Variants in PRPF6 observed in about 807,000 individuals in gnomAD.
PRPF6 encodes the protein pre-mRNA-processing factor 6.
In PRPF6, 42 loss-of-function variants were observed where a neutral mutation model predicts 118.3. The ratio of observed to expected loss-of-function variants is 0.35; its 90% CI spans 0.28 to 0.46. PRPF6 has a LOEUF of 0.46. Ranked by LOEUF, PRPF6 falls within the 20% of genes least tolerant of loss-of-function variation. PRPF6 has a pLI of 1.00. For synonymous variants in PRPF6, 481 were observed against 485.1 expected (o/e 0.99, Z 0.11); for missense variants, 662 against 1,255.7 (o/e 0.53, Z 7.15).
intron 3 of PRPF6, among the ~76,000 whole-genome samples, chr20:63,991,463 C>T (rs532934955): frequency 6.6e-6 from 1 of 152,128 alleles, no homozygotes; most frequent in South Asian, 2.1e-4. Context: ...GACACGGACC[C>T]ATGAAGAAAG....
chr20:63,985,843 A>G (rs2059090725), intron 3 of PRPF6, among the ~76,000 whole-genome samples: 1 of 152,188 alleles, frequency 6.6e-6, no homozygotes, highest in Non-Finnish European at 1.5e-5. Context: ...AAGAACTAAT[A>G]CCAATTCTAC....
At chr20:63,994,766 C>T in intron 4 of PRPF6, 150 bp from the exon 5 acceptor site, 2 of 1,035,216 alleles carry the variant, frequency 1.9e-6, no homozygotes, top group Middle Eastern at 3.1e-4. Context: ...TGAGACCCAT[C>T]TCAAAACAAA....
Position 64,007,090 on chromosome 20 carries a change from G to A in PRPF6, c.1187-3110G>A, listed in dbSNP as rs1238957845. 2.0e-5 allele frequency among the ~76,000 whole-genome samples: 3 copies of A among 152,218 alleles called. No homozygotes were observed. In the East Asian group the frequency reaches 5.8e-4, roughly 29 times the overall value. ...AGCGGTTGAGCAGCCACCAGTGCAG[G>A]AGGCATCTGCCCCATAGCTTAGGCA... On this transcript the variant is annotated intron_variant, in intron 9 of 20. Transcript: ENST00000266079.
intron 8 of PRPF6, 62 bp downstream of exon 8, chr20:63,999,821 A>C: frequency 1.9e-6 from 3 of 1,583,676 alleles, no homozygotes; most frequent in South Asian, 2.3e-5. Context: ...CTACGGGAGT[A>C]AACTTGTTAG....
chr20:64,030,707 C>T (rs999769262), intron 19 of PRPF6, among the ~76,000 whole-genome samples: 25 of 152,228 alleles, frequency 1.6e-4, no homozygotes, highest in African/African-American at 6.0e-4. Flanking sequence ...CTTGCTATTC[C>T]CAAGCCAGTG....
chr20:64,003,735 A>G (rs2123033825), intron 9 of PRPF6, among the ~76,000 whole-genome samples: 1 of 152,302 alleles, frequency 6.6e-6, no homozygotes, highest in African/African-American at 2.4e-5. Context: ...AGCTGGGACT[A>G]CAGGCGCCCG....
At chr20:64,016,981 C>A in intron 12 of PRPF6, 136 bp downstream of exon 12, 1 of 1,272,154 alleles carries the variant, frequency 7.9e-7, no homozygotes, top group Non-Finnish European at 1.1e-6. Context: ...CTTGCTCTGT[C>A]GCCCAGGCTG....
chr20:63,999,974 C>T (rs1489310177), intron 8 of PRPF6, among the ~76,000 whole-genome samples: 18 of 143,584 alleles, frequency 1.3e-4, no homozygotes, highest in East Asian at 4.1e-4. Context: ...TTTTTGGAGA[C>T]GGAGTCTCGC....
In PRPF6 at chr20:64,031,900, G is replaced by A. The variant is rs199849565; in HGVS notation, c.2547-18G>A. 39 of 1,613,882 alleles carry A rather than the reference G, an allele frequency of 2.4e-5. No individual in the cohort carries two copies. The African/African-American group carries it at 2.5e-4, about 10-fold the overall frequency. On this transcript the variant is annotated intron_variant, in intron 19 of 20. Transcript: ENST00000266079. The stretch of plus-strand genomic sequence containing the variant: ...CTGCAGCCACTCACTCTGGGTTCAC[G>A]TCCTTCTGCTGGAACAGGCTGTTTT...
intron 3 of PRPF6, among the ~76,000 whole-genome samples, chr20:63,990,461 C>T (rs2059113551): frequency 6.6e-6 from 1 of 151,530 alleles, no homozygotes; most frequent in Non-Finnish European, 1.5e-5. Flanking sequence ...ACGTGAATGG[C>T]ATTGCATTTC....
chr20:64,005,612 C>T (rs1198835823), intron 9 of PRPF6, among the ~76,000 whole-genome samples: 1 of 152,144 alleles, frequency 6.6e-6, no homozygotes, highest in Non-Finnish European at 1.5e-5. Flanking sequence ...GAGCCTCGTC[C>T]TATTGCCCAG....
chr20:63,990,112 C>T (rs779031836), intron 3 of PRPF6, among the ~76,000 whole-genome samples: 1 of 152,094 alleles, frequency 6.6e-6, no homozygotes, highest in Non-Finnish European at 1.5e-5. Context: ...CCTCAGCCTC[C>T]CAAAGTGTTG....
intron 13 of PRPF6, among the ~76,000 whole-genome samples, chr20:64,023,792 G>A (rs755235935): frequency 1.3e-5 from 2 of 152,156 alleles, no homozygotes; most frequent in African/African-American, 4.8e-5. Context: ...GAGGTCTCTC[G>A]GCCCGTGACC....
intron 9 of PRPF6, among the ~76,000 whole-genome samples, chr20:64,003,467 G>A (rs181416805): frequency 3.4e-4 from 52 of 152,348 alleles, no homozygotes; most frequent in Admixed American, 3.1e-3. Context: ...TTAGAAGACA[G>A]GTGAAGGCTG....
intron 2 of PRPF6, among the ~76,000 whole-genome samples, chr20:63,984,030 A>T (rs988630156): frequency 6.6e-6 from 1 of 152,202 alleles, no homozygotes; most frequent in Non-Finnish European, 1.5e-5. Context: ...ATTGCCCTCT[A>T]AACAGACATC....
chr20:63,986,195 G>T (rs1368378408), intron 3 of PRPF6, among the ~76,000 whole-genome samples: 1 of 151,720 alleles, frequency 6.6e-6, no homozygotes, highest in Non-Finnish European at 1.5e-5. Flanking sequence ...ACAAAAATTA[G>T]CCGGGCATGG....
At chr20:64,022,714 G>A (rs1403569933) in intron 12 of PRPF6, 43 bp from the exon 13 acceptor site, 3 of 1,613,394 alleles carry the variant, frequency 1.9e-6, no homozygotes, top group Admixed American at 1.7e-5. Context: ...TTGTTCTGTG[G>A]CCAGTGCTGG....
intron 19 of PRPF6, among the ~76,000 whole-genome samples, chr20:64,030,363 C>G (rs767918170): frequency 1.3e-5 from 2 of 152,210 alleles, no homozygotes; most frequent in Non-Finnish European, 2.9e-5. Context: ...TTCCCCTCCA[C>G]CTGCCCCGCC....
At chr20:64,032,391 A>T (rs540560494) in intron 20 of PRPF6, among the ~76,000 whole-genome samples, 14 of 152,292 alleles carry the variant, frequency 9.2e-5, no homozygotes, top group African/African-American at 3.4e-4. Flanking sequence ...CTTGGGCCTG[A>T]GCCTGAGTGT....
Sources: gnomAD v4.1 joint callset for allele counts (sites outside exome capture counted in the v4.1 genomes callset) on GRCh38, gnomAD v4.1.1 for gene constraint, MANE v1.5 for transcripts, NCBI Gene and HGNC (gene_info 2026-07-23, HGNC 2026-07-21) for gene names.